Variants in PROSER2 observed in about 807,000 individuals in gnomAD.
PROSER2 encodes proline and serine rich 2.
PROSER2 carries 18 observed loss-of-function variants against 14.6 expected under a neutral mutation model. The observed-to-expected ratio is 1.23, with a 90% confidence interval of 0.85 to 1.83. PROSER2 has a LOEUF of 1.83. Ranked by LOEUF, PROSER2 falls within the 40% of genes most tolerant of loss-of-function variation. PROSER2 has a pLI of 0.00. For missense variants in PROSER2, 823 were observed against 629.8 expected (o/e 1.31, Z -3.28); for synonymous variants, 367 against 286.4 (o/e 1.28, Z -2.84).
rs137979194 is a variant in PROSER2 at position 11,861,584 on chromosome 10, G to C, written c.139-4947G>C. Among the ~76,000 whole-genome samples, 201 of 152,306 alleles carry C rather than the reference G, an allele frequency of 1.3e-3. 1 individual carries two copies. The highest frequency in any genetic ancestry group is 4.7e-3 in the African/African-American group (195 of 41,562). ...ACGGATGGGCGTCGCTGCCTTAGAA[G>C]CCGACATAGGAAGAGCCAGTGATGG... On this transcript the variant is annotated intron_variant, in intron 2 of 3. Coordinates refer to ENST00000277570, the MANE Select transcript of PROSER2 (RefSeq NM_153256.4).
Position 11,870,013 on chromosome 10 carries a change from G to A in PROSER2, c.915G>A (p.Gly305=). Residue 305 remains glycine (G), a synonymous_variant, in exon 4 of 4, where the codon GGG becomes GGA. Coordinates refer to ENST00000277570, the MANE Select transcript of PROSER2 (RefSeq NM_153256.4). ...CCGCCGCGGGGGACGCCGGCGAGGGGGCCCCAGGGGGCGGCTCCTCCCCGG... is the reference window on the plus strand; with the variant it reads ...CCGCCGCGGGGGACGCCGGCGAGGGAGCCCCAGGGGGCGGCTCCTCCCCGG... The part of the protein sequence containing the change: ...AFPAAGDAGE[G]APGGGSSPER... 2 of 1,244,082 alleles carry A rather than the reference G, an allele frequency of 1.6e-6. No homozygotes were observed. Among genetic ancestry groups the A allele is most frequent in the Non-Finnish European group, 2.0e-6 (2 of 994,988 alleles). The allele number at this position is 1,244,082 out of a possible 1,614,324, so 77.1% of individuals were successfully genotyped here.
intron 1 of PROSER2, among the ~76,000 whole-genome samples, chr10:11,826,715 C>T (rs1019246279): frequency 6.6e-6 from 1 of 151,952 alleles, no homozygotes; most frequent in Non-Finnish European, 1.5e-5. Context: ...GTAGCTGGGA[C>T]CACAGATGCC....
chr10:11,858,470 T>C (rs1218229886), intron 2 of PROSER2, among the ~76,000 whole-genome samples: 4 of 152,228 alleles, frequency 2.6e-5, no homozygotes, highest in Non-Finnish European at 5.9e-5. Context: ...GCCATCTCTA[T>C]GCAGGAGTCA....
In PROSER2 at chr10:11,855,217, T is replaced by C. The variant is rs138319135; in HGVS notation, c.138+3002T>C. 2.5e-3 allele frequency among the ~76,000 whole-genome samples: 376 copies of C among 151,280 alleles called. 2 individuals are homozygous for C. The highest frequency in any genetic ancestry group is 8.6e-3 in the African/African-American group (357 of 41,304). On this transcript the variant is annotated intron_variant, in intron 2 of 3. Coordinates refer to ENST00000277570, the MANE Select transcript of PROSER2 (RefSeq NM_153256.4). ...GGCCAGGTGCGGTGGCTCACGCCTG[T>C]AATCCCAGCACTTTGGGAGGCCAAG...
Position 11,870,320 on chromosome 10 carries a change from A to C in PROSER2, c.1222A>C (p.Thr408Pro). 6.7e-7 allele frequency: 1 copy of C among 1,501,982 alleles called. No homozygotes were observed. Among genetic ancestry groups the C allele is most frequent in the Non-Finnish European group, 8.8e-7 (1 of 1,130,220 alleles). 93.0% of individuals were successfully genotyped at this position (1,501,982 alleles called of 1,614,324 possible). The part of the protein sequence containing the change: ...ADSLPRPQGI[T>P]VQFAGRGSSE... The stretch of plus-strand genomic sequence containing the variant: ...CTCCCTGCCCCGGCCCCAGGGCATC[A>C]CCGTGCAGTTCGCGGGCCGCGGCTC... Residue 408 changes from threonine (T) to proline (P), a missense_variant, in exon 4 of 4, where the codon ACC becomes CCC. Physicochemically the swap from Thr to Pro is conservative, Grantham distance 38 (BLOSUM62 -1). Coordinates refer to ENST00000277570, the MANE Select transcript of PROSER2 (RefSeq NM_153256.4).
At position 11,829,835 on chromosome 10, in the gene PROSER2, ATT is replaced by A. The variant is rs5783232; in HGVS notation, c.-82+6391_-82+6392del. Among the ~76,000 whole-genome samples, 335 of 66,264 alleles carry A rather than the reference ATT, an allele frequency of 5.1e-3. 4 individuals carry two copies. The highest frequency in any genetic ancestry group is 0.018 in the African/African-American group (295 of 16,250). 43.5% of individuals were successfully genotyped at this position (66,264 alleles called of 152,430 possible). On this transcript the variant is annotated intron_variant, in intron 1 of 3. Coordinates refer to ENST00000277570, the MANE Select transcript of PROSER2 (RefSeq NM_153256.4). ...ATTTTCTTTTTTTTCTTTACTTCTG[ATT>A]TTTTTTTTTTTTTTTTTTTTTTTTT...
Position 11,823,713 on chromosome 10 carries a change from C to G in PROSER2, c.-82+243C>G, listed in dbSNP as rs913123784. Among the ~76,000 whole-genome samples the G allele has an allele frequency of 6.6e-6, 1 of 152,098 alleles. No individual in the cohort carries two copies. The highest frequency in any genetic ancestry group is 1.5e-5 in the Non-Finnish European group (1 of 67,974). On this transcript the variant is annotated intron_variant, in intron 1 of 3. Coordinates refer to ENST00000277570, the MANE Select transcript of PROSER2 (RefSeq NM_153256.4). The surrounding 1 kb of genome is among the most constrained non-coding windows in gnomAD (Gnocchi z 6.2). ...CTCCTCGGGGACCTCGGAGTCGGGG[C>G]GCGGCGGGGAGCGCGCTGGGTTCCG...
Position 11,866,871 on chromosome 10 carries a change from G to C in PROSER2, c.391+88G>C. On this transcript the variant is annotated intron_variant, in intron 3 of 3. Coordinates refer to ENST00000277570, the MANE Select transcript of PROSER2 (RefSeq NM_153256.4). The surrounding 1 kb of genome is among the most constrained non-coding windows in gnomAD (Gnocchi z 6.0). ...ACTTCTTTTGTGTTCCCCTGTGTTT[G>C]CCAGTAGAAGTTGTTGAGTCTTACC... The C allele has an allele frequency of 6.9e-7, 1 of 1,456,836 alleles. No homozygotes were observed. The highest frequency in any genetic ancestry group is 1.4e-5 in the South Asian group (1 of 73,860). 90.2% of individuals were successfully genotyped at this position (1,456,836 alleles called of 1,614,324 possible).
chr10:11,827,510 A>T (rs956261805), intron 1 of PROSER2, among the ~76,000 whole-genome samples: 1 of 151,918 alleles, frequency 6.6e-6, no homozygotes, highest in Non-Finnish European at 1.5e-5. Flanking sequence ...TTCTCCTCGG[A>T]AGCCAGTTGT....
At chr10:11,843,753 G>A (rs887523739) in intron 1 of PROSER2, among the ~76,000 whole-genome samples, 2 of 151,882 alleles carry the variant, frequency 1.3e-5, no homozygotes, top group Admixed American at 6.6e-5. Context: ...TTGGGAGGCC[G>A]AGGCAGGGGA....
chr10:11,831,158 G>C (rs1833684644), intron 1 of PROSER2, among the ~76,000 whole-genome samples: 1 of 152,152 alleles, frequency 6.6e-6, no homozygotes, highest in Non-Finnish European at 1.5e-5. Flanking sequence ...AAATGAACAT[G>C]CTCTAAGCCA....
At chr10:11,832,671 G>C (rs1000183008) in intron 1 of PROSER2, among the ~76,000 whole-genome samples, 3 of 152,166 alleles carry the variant, frequency 2.0e-5, no homozygotes, top group Non-Finnish European at 4.4e-5. Context: ...AATTGGATGA[G>C]ATTAATTTCT....
rs1246191977 is a variant in PROSER2, at chr10:11,869,492, C to T, written c.394C>T (p.Pro132Ser). ...GLPEGTQAAGPAPAGKEHRKQ... is the reference protein window; with the variant it reads ...GLPEGTQAAGSAPAGKEHRKQ... ...CAGGCTCCTCCCTTGTCTTCCAGGGCCTGCACCTGCTGGGAAGGAGCACAG... is the reference window on the plus strand; with the variant it reads ...CAGGCTCCTCCCTTGTCTTCCAGGGTCTGCACCTGCTGGGAAGGAGCACAG... Residue 132 changes from proline to serine, a missense_variant and splice_region_variant, in exon 4 of 4, where the codon CCT becomes TCT. Physicochemically the swap from Pro to Ser is moderately conservative, Grantham distance 74. Coordinates refer to ENST00000277570, the MANE Select transcript of PROSER2 (RefSeq NM_153256.4). The surrounding 1 kb of genome is among the most constrained non-coding windows in gnomAD (Gnocchi z 4.4). 5 of 1,612,112 alleles carry T rather than the reference C, an allele frequency of 3.1e-6. No homozygotes were observed. The South Asian group carries it at 3.3e-5, about 11-fold the overall frequency.
chr10:11,852,109 C>G lies in PROSER2; in HGVS notation c.32C>G (p.Ser11Cys), dbSNP rs1834030418. The G allele has an allele frequency of 1.2e-6, 2 of 1,613,308 alleles. No homozygotes were observed. The highest frequency in any genetic ancestry group is 1.3e-5 in the African/African-American group (1 of 74,900). ...GTAACCCACCGGAAATCAGACGCAT[C>G]TGACATGAACTCAGACACGTCCCCC... MPVTHRKSDA[S>C]DMNSDTSPSC... is the part of the protein sequence containing the mutation. Residue 11 changes from serine to cysteine, a missense_variant, in exon 2 of 4, where the codon TCT (serine) becomes TGT (cysteine). Physicochemically the swap from Ser to Cys is moderately radical, Grantham distance 112. Coordinates refer to ENST00000277570, the MANE Select transcript of PROSER2 (RefSeq NM_153256.4).
At chr10:11,845,111 C>A (rs1452058536) in intron 1 of PROSER2, among the ~76,000 whole-genome samples, 1 of 151,812 alleles carries the variant, frequency 6.6e-6, no homozygotes, top group Non-Finnish European at 1.5e-5. Flanking sequence ...TGGAAAAAAA[C>A]CTGATTACTT....
rs574179470 is a variant in PROSER2, at chr10:11,828,652, G to T, written c.-82+5182G>T. Reference sequence around the variant, plus strand: ...CAGGAGGCGAAGGTTGTAGTGAGCCGAGATCACGCCACTACACTCCAACCT... The same window carrying T: ...CAGGAGGCGAAGGTTGTAGTGAGCCTAGATCACGCCACTACACTCCAACCT... On this transcript the variant is annotated intron_variant, in intron 1 of 3. Transcript: ENST00000277570. Among the ~76,000 whole-genome samples the T allele has an allele frequency of 5.9e-5, 9 of 152,266 alleles. No homozygotes were observed. The East Asian group carries it at 1.5e-3, about 26-fold the overall frequency.
At chr10:11,867,743 C>T (rs1313107455) in intron 3 of PROSER2, among the ~76,000 whole-genome samples, 9 of 152,224 alleles carry the variant, frequency 5.9e-5, no homozygotes, top group African/African-American at 2.2e-4. Context: ...CACTCACGTC[C>T]TGCTGTGCGC....
At chr10:11,826,307 T>C (rs1160108353) in intron 1 of PROSER2, among the ~76,000 whole-genome samples, 1 of 152,240 alleles carries the variant, frequency 6.6e-6, no homozygotes, top group Non-Finnish European at 1.5e-5. Flanking sequence ...TTCCACCTTT[T>C]GGCTATTGTG....
rs1564314343 is a variant in PROSER2, at chr10:11,866,497, T to G, written c.139-34T>G. The G allele has an allele frequency of 6.2e-7, 1 of 1,606,888 alleles. No homozygotes were observed. ...TCTCTTTAGTGAAGCCAGTGTTTGT[T>G]TTCTCTCTTCTGTTCCCAATCCCTG... On this transcript the variant is annotated intron_variant, in intron 2 of 3. Coordinates refer to ENST00000277570, the MANE Select transcript of PROSER2 (RefSeq NM_153256.4). The surrounding 1 kb of genome is among the most constrained non-coding windows in gnomAD (Gnocchi z 6.0).
Sources: gnomAD v4.1 joint callset for allele counts (sites outside exome capture counted in the v4.1 genomes callset) on GRCh38, gnomAD v4.1.1 for gene constraint, Gnocchi (gnomAD v3.1) non-coding constraint, MANE v1.5 for transcripts, NCBI Gene and HGNC (gene_info 2026-07-23, HGNC 2026-07-21) for gene names.